SNX4: variants seen among roughly 807,000 people sequenced by gnomAD.
SNX4 encodes sorting nexin-4.
In SNX4, 49 loss-of-function variants were observed where a neutral mutation model predicts 70.8. The ratio of observed to expected loss-of-function variants is 0.69; its 90% CI spans 0.55 to 0.88. The LOEUF (loss-of-function observed/expected upper bound fraction) is 0.88, where lower values mean the gene tolerates loss of function less well. Ranked by LOEUF, SNX4 falls within the 40% of genes least tolerant of loss-of-function variation. The pLI is 0.00. For synonymous variants in SNX4, 206 were observed against 183.8 expected, an observed-to-expected ratio of 1.12 and a Z score of -0.98; for missense variants, 528 against 544.8, an observed-to-expected ratio of 0.97 and a Z score of 0.31.
intron 13 of SNX4, 119 bp downstream of exon 13, chr3:125,451,186 T>A: frequency 2.0e-6 from 1 of 491,540 alleles, no homozygotes; most frequent in Non-Finnish European, 3.7e-6. Flanking sequence ...ATAGAGAAAT[T>A]GGTAAACATT....
intron 6 of SNX4, among the ~76,000 whole-genome samples, chr3:125,488,881 A>T (rs1182119863): frequency 1.3e-5 from 2 of 152,228 alleles, no homozygotes; most frequent in Non-Finnish European, 1.5e-5. Context: ...GCAAAACCAA[A>T]ATCTTAAATA....
At chr3:125,504,238 C>T (rs1198766215) in intron 2 of SNX4, among the ~76,000 whole-genome samples, 6 of 149,970 alleles carry the variant, frequency 4.0e-5, no homozygotes. Flanking sequence ...GAGGCTAAGG[C>T]AGGAGAATCG....
rs1935195384 is a variant in SNX4, at chr3:125,512,763, A to G, written c.141+7269T>C. Among the ~76,000 whole-genome samples, 3 of 140,826 alleles carry G rather than the reference A, an allele frequency of 2.1e-5. No homozygotes were observed. The South Asian group carries it at 6.8e-4, about 32-fold the overall frequency. The allele number at this position is 140,826 out of a possible 152,430, so 92.4% of individuals were successfully genotyped here. A position where few individuals can be genotyped will look rare whatever the true frequency, so the allele number is the denominator to read the frequency against. ...TCTCACCTCAGTGCAGGGTCAACAGATACAACAACTTTTTTTTTTTTTTTT... is the reference window on the plus strand; with the variant it reads ...TCTCACCTCAGTGCAGGGTCAACAGGTACAACAACTTTTTTTTTTTTTTTT... On this transcript the variant is annotated intron_variant, in intron 1 of 13. Transcript: ENST00000251775.
chr3:125,453,600 C>T (rs954702424), intron 12 of SNX4, among the ~76,000 whole-genome samples: 1 of 152,024 alleles, frequency 6.6e-6, no homozygotes, highest in Non-Finnish European at 1.5e-5. Context: ...CCTCCCACCT[C>T]AGCCTCCTAA....
chr3:125,453,668 G>A (rs1933634653), intron 12 of SNX4, 142 bp downstream of exon 12: 1 of 739,134 alleles, frequency 1.4e-6, no homozygotes, highest in Admixed American at 3.3e-5. Context: ...AAATTTCTTA[G>A]GAATGCATTT....
At chr3:125,469,578 A>T in intron 8 of SNX4, 59 bp from the exon 9 acceptor site, 3 of 1,139,286 alleles carry the variant, frequency 2.6e-6, no homozygotes, top group Non-Finnish European at 4.0e-6. Flanking sequence ...AATAGTATTA[A>T]ATGGACTCTT....
intron 2 of SNX4, among the ~76,000 whole-genome samples, chr3:125,502,301 A>G (rs1053606918): frequency 1.4e-4 from 21 of 151,906 alleles, no homozygotes; most frequent in African/African-American, 4.6e-4. Context: ...AAAGAACCAC[A>G]TTACCTCTCT....
At chr3:125,486,235 A>G (rs1263084410) in intron 6 of SNX4, among the ~76,000 whole-genome samples, 1 of 152,242 alleles carries the variant, frequency 6.6e-6, no homozygotes, top group African/African-American at 2.4e-5. Flanking sequence ...CAAACTCAGC[A>G]TAACAAAATG....
chr3:125,457,264 AC>A lies in SNX4; in HGVS notation c.1044+1del. 6.2e-7 allele frequency: 1 copy of A among 1,610,514 alleles called. No individual in the cohort carries two copies. The highest frequency in any genetic ancestry group is 8.5e-7 in the Non-Finnish European group (1 of 1,176,858). ...ATCAGAGGCCAAAAGGAAAATACTCACCCCAGTTACCAGTTCCTCACACTGC... is the reference window on the plus strand; with the variant it reads ...ATCAGAGGCCAAAAGGAAAATACTCACCCAGTTACCAGTTCCTCACACTGC... On this transcript the variant is annotated splice_donor_variant, in intron 11 of 13. Transcript: ENST00000251775. LOFTEE classifies it high-confidence loss of function.
At chr3:125,506,092 T>A (rs1241643015) in intron 1 of SNX4, among the ~76,000 whole-genome samples, 2 of 152,090 alleles carry the variant, frequency 1.3e-5, no homozygotes, top group African/African-American at 4.8e-5. Context: ...CAGCCTACAG[T>A]AATTAAAAAA....
chr3:125,468,408 A>G (rs1198201195), intron 9 of SNX4, among the ~76,000 whole-genome samples: 2 of 152,072 alleles, frequency 1.3e-5, no homozygotes, highest in African/African-American at 2.4e-5. Context: ...AATAAAATTA[A>G]TTCAGTTGTT....
intron 8 of SNX4, 51 bp from the exon 9 acceptor site, chr3:125,469,570 T>G (rs541654068): frequency 5.5e-5 from 65 of 1,184,450 alleles, no homozygotes; most frequent in Non-Finnish European, 6.7e-5. Flanking sequence ...AGATATGGAA[T>G]AGTATTAAAT....
intron 8 of SNX4, 62 bp from the exon 9 acceptor site, chr3:125,469,581 G>C: frequency 8.9e-7 from 1 of 1,128,528 alleles, no homozygotes; most frequent in Non-Finnish European, 1.3e-6. Flanking sequence ...AGTATTAAAT[G>C]GACTCTTTTC....
At chr3:125,448,300 A>ATTT (rs199847928) in intron 13 of SNX4, among the ~76,000 whole-genome samples, 53 of 131,764 alleles carry the variant, frequency 4.0e-4, no homozygotes, top group South Asian at 3.0e-3. Context: ...TATTTTTTGT[A>ATTT]TTTTTTTTTT....
intron 8 of SNX4, among the ~76,000 whole-genome samples, chr3:125,473,927 T>C (rs1934235103): frequency 6.6e-6 from 1 of 152,238 alleles, no homozygotes; most frequent in South Asian, 2.1e-4. Flanking sequence ...ACACTTTATA[T>C]ATACAACTCA....
chr3:125,511,387 CA>C, intron 1 of SNX4, among the ~76,000 whole-genome samples: 1 of 151,338 alleles, frequency 6.6e-6, no homozygotes, highest in East Asian at 1.9e-4. Flanking sequence ...TTTTTTTTAA[CA>C]ATCAGGAGTC....
intron 5 of SNX4, among the ~76,000 whole-genome samples, chr3:125,490,043 C>A (rs1252469130): frequency 6.6e-6 from 1 of 151,460 alleles, no homozygotes; most frequent in Non-Finnish European, 1.5e-5. Flanking sequence ...GCAGGAGAGT[C>A]GCTTGAACCT....
intron 9 of SNX4, 47 bp from the exon 10 acceptor site, chr3:125,460,907 G>C (rs769260526): frequency 3.1e-6 from 3 of 953,256 alleles, no homozygotes; most frequent in Non-Finnish European, 4.8e-6. Context: ...ACTTTCATTG[G>C]AATACAAAGT....
chr3:125,451,733 T>G (rs1933579283), intron 12 of SNX4, among the ~76,000 whole-genome samples: 1 of 151,772 alleles, frequency 6.6e-6, no homozygotes, highest in South Asian at 2.1e-4. Flanking sequence ...TTTGAGCAAT[T>G]CTCCTGCCTT....
Sources: gnomAD v4.1 joint callset for allele counts (sites outside exome capture counted in the v4.1 genomes callset) on GRCh38, gnomAD v4.1.1 for gene constraint, MANE v1.5 for transcripts, NCBI Gene and HGNC (gene_info 2026-07-23, HGNC 2026-07-21) for gene names.